Variants in PALLD observed in about 807,000 individuals in gnomAD.
The protein encoded by PALLD is palladin, cytoskeletal associated protein.
Under a neutral mutation model 123.5 loss-of-function variants are expected in PALLD, and 61 were observed. The observed-to-expected ratio is 0.49, with a 90% CI of 0.40 to 0.61. The LOEUF (loss-of-function observed/expected upper bound fraction) is 0.61. Among genes scored for constraint, PALLD ranks in the 20% least tolerant of loss-of-function variants. The pLI, the probability that PALLD is intolerant of heterozygous loss-of-function variation, is 0.00. For missense variants in PALLD, 1,273 were observed against 1,377.0 expected (o/e 0.92, Z 1.20); for synonymous variants, 465 against 496.4 (o/e 0.94, Z 0.84).
chr4:168,505,946 T>C (rs191433703), intron 1 of PALLD: 1 of 152,326 alleles, frequency 6.6e-6, no homozygotes, highest in East Asian at 1.9e-4. Context: ...AACTCTGACA[T>C]TGGTTCAAAA....
At chr4:168,575,643 G>T (rs1561264144) in intron 2 of PALLD, among the ~76,000 whole-genome samples, 1 of 152,042 alleles carries the variant, frequency 6.6e-6, no homozygotes, top group Admixed American at 6.6e-5. Flanking sequence ...GCCGTTGCTG[G>T]TCTTGAAACC....
At chr4:168,658,668 GA>G (rs565748168) in intron 2 of PALLD, among the ~76,000 whole-genome samples, 8 of 146,056 alleles carry the variant, frequency 5.5e-5, no homozygotes, top group South Asian at 2.2e-4. Flanking sequence ...TGGTCAAAAA[GA>G]AAAAAAAAAG....
At chr4:168,780,953 G>A (rs774761723) in intron 10 of PALLD, among the ~76,000 whole-genome samples, 20 of 152,152 alleles carry the variant, frequency 1.3e-4, no homozygotes, top group Non-Finnish European at 8.8e-5. Flanking sequence ...CTCCCAAAGT[G>A]CTGGAATTAC....
intron 10 of PALLD, among the ~76,000 whole-genome samples, chr4:168,745,642 T>C (rs1730188332): frequency 6.6e-6 from 1 of 152,172 alleles, no homozygotes; most frequent in African/African-American, 2.4e-5. Context: ...CACATTCTAG[T>C]GTGTTAGGAA....
intron 4 of PALLD, among the ~76,000 whole-genome samples, chr4:168,681,832 A>G (rs1483618386): frequency 1.3e-5 from 2 of 152,148 alleles, no homozygotes; most frequent in Non-Finnish European, 2.9e-5. Context: ...GATTATAGGC[A>G]TGAGCCAACA....
chr4:168,661,805 C>T (rs182424996), intron 2 of PALLD, among the ~76,000 whole-genome samples: 11 of 152,182 alleles, frequency 7.2e-5, no homozygotes, highest in East Asian at 5.8e-4. Context: ...TTGGAGACTA[C>T]GTGGTTTTTA....
intron 10 of PALLD, among the ~76,000 whole-genome samples, chr4:168,791,714 G>A (rs1281198776): frequency 6.6e-6 from 1 of 152,176 alleles, no homozygotes; most frequent in African/African-American, 2.4e-5. Flanking sequence ...TTTAAGCTTG[G>A]TGTTGATTAT....
intron 2 of PALLD, among the ~76,000 whole-genome samples, chr4:168,616,409 C>T (rs191262858): frequency 6.6e-6 from 1 of 152,296 alleles, no homozygotes; most frequent in African/African-American, 2.4e-5. Flanking sequence ...TGACTTCATC[C>T]TCTTTAGTGA....
intron 10 of PALLD, among the ~76,000 whole-genome samples, chr4:168,789,689 C>A (rs1351631288): frequency 3.6e-5 from 5 of 140,110 alleles, no homozygotes; most frequent in African/African-American, 1.1e-4. Flanking sequence ...GGCAACAGAG[C>A]GAGACTCCGT....
intron 10 of PALLD, among the ~76,000 whole-genome samples, chr4:168,836,577 T>C (rs1265198047): frequency 6.6e-6 from 1 of 152,198 alleles, no homozygotes; most frequent in African/African-American, 2.4e-5. Flanking sequence ...GCTTCAGTTC[T>C]CACAAAATTG....
intron 10 of PALLD, among the ~76,000 whole-genome samples, chr4:168,720,029 A>G (rs965556108): frequency 2.6e-5 from 4 of 152,196 alleles, no homozygotes; most frequent in African/African-American, 9.6e-5. Flanking sequence ...GAATAGTAGA[A>G]CACCATTCAT....
intron 2 of PALLD, among the ~76,000 whole-genome samples, chr4:168,649,168 A>G (rs745830962): frequency 2.6e-5 from 4 of 152,238 alleles, no homozygotes; most frequent in Non-Finnish European, 5.9e-5. Flanking sequence ...CACATTCTGC[A>G]TGCGCTCATT....
intron 10 of PALLD, among the ~76,000 whole-genome samples, chr4:168,816,817 CGTGTGTGTGTGTGTGTGTGT>C (rs61010592): frequency 0.01 from 1,117 of 111,024 alleles, 20 homozygotes; most frequent in East Asian, 0.085. Flanking sequence ...GAGCTAGCCC[CGTGTGTGTGTGTGTGTGTGT>C]GTGTGTGTGT....
At chr4:168,567,317 A>C (rs1305804519) in intron 2 of PALLD, among the ~76,000 whole-genome samples, 2 of 152,140 alleles carry the variant, frequency 1.3e-5, no homozygotes, top group African/African-American at 4.8e-5. Flanking sequence ...AAACTCAAAC[A>C]ACTCAATAAG....
intron 10 of PALLD, among the ~76,000 whole-genome samples, chr4:168,814,840 G>A (rs997113391): frequency 2.0e-5 from 3 of 152,090 alleles, no homozygotes; most frequent in Non-Finnish European, 2.9e-5. Context: ...ACGCGACCTC[G>A]GCTCACTGCA....
intron 3 of PALLD, among the ~76,000 whole-genome samples, chr4:168,676,514 ATAT>A (rs1248850422): frequency 6.7e-6 from 1 of 149,256 alleles, no homozygotes. Flanking sequence ...TATATAATAT[ATAT>A]TATGTTTATT....
At chr4:168,765,768 A>G (rs1728005376) in intron 10 of PALLD, among the ~76,000 whole-genome samples, 1 of 151,518 alleles carries the variant, frequency 6.6e-6, no homozygotes, top group African/African-American at 2.4e-5. Context: ...GTGTAGATTC[A>G]GGATCTGGAT....
chr4:168,782,715 C>T (rs1014427780), intron 10 of PALLD, among the ~76,000 whole-genome samples: 5 of 151,012 alleles, frequency 3.3e-5, no homozygotes, highest in Non-Finnish European at 7.4e-5. Context: ...TCGAGACCAG[C>T]GTAGCCAACA....
chr4:168,716,920 G>A (rs1188029678), intron 10 of PALLD, among the ~76,000 whole-genome samples: 1 of 152,054 alleles, frequency 6.6e-6, no homozygotes, highest in Non-Finnish European at 1.5e-5. Flanking sequence ...TCCCTTGCCT[G>A]GAATGTTCCA....
Sources: gnomAD v4.1 joint callset for allele counts (sites outside exome capture counted in the v4.1 genomes callset) on GRCh38, gnomAD v4.1.1 for gene constraint, MANE v1.5 for transcripts, NCBI Gene and HGNC (gene_info 2026-07-23, HGNC 2026-07-21) for gene names.